Variants in NELL1 observed in about 807,000 individuals in gnomAD.
NELL1 encodes the protein protein kinase C-binding protein NELL1.
In NELL1, 76 loss-of-function variants were observed where a neutral mutation model predicts 107.4. The observed-to-expected ratio is 0.71, with a 90% CI of 0.59 to 0.86. The LOEUF is 0.86. Ranked by LOEUF, NELL1 falls within the 40% of genes least tolerant of loss-of-function variation. NELL1 has a pLI of 0.00. For synonymous variants in NELL1, 353 were observed against 341.2 expected (o/e 1.03, Z -0.38); for missense variants, 1,024 against 1,005.5 (o/e 1.02, Z -0.25).
At chr11:21,519,766 TG>T (rs1488087629) in intron 15 of NELL1, among the ~76,000 whole-genome samples, 1 of 152,124 alleles carries the variant, frequency 6.6e-6, no homozygotes, top group Non-Finnish European at 1.5e-5. Flanking sequence ...AGCCTTCCCC[TG>T]GAAGTTGCAA....
At chr11:21,464,230 G>C (rs565209088) in intron 15 of NELL1, among the ~76,000 whole-genome samples, 206 of 151,872 alleles carry the variant, frequency 1.4e-3, no homozygotes, top group African/African-American at 4.8e-3. Flanking sequence ...TCTTTTTCTG[G>C]AAAGTGTCAA....
intron 17 of NELL1, among the ~76,000 whole-genome samples, chr11:21,570,448 A>T (rs540283598): frequency 1.8e-4 from 27 of 152,058 alleles, no homozygotes; most frequent in Non-Finnish European, 3.4e-4. Flanking sequence ...TATTGATCAT[A>T]TATGCATTTT....
chr11:20,769,985 C>A (rs1483083066), intron 2 of NELL1, among the ~76,000 whole-genome samples: 1 of 152,186 alleles, frequency 6.6e-6, no homozygotes, highest in Non-Finnish European at 1.5e-5. Flanking sequence ...TGAATTATCA[C>A]AAAGTCTTTA....
At chr11:20,958,977 A>G (rs7123110) in intron 11 of NELL1, among the ~76,000 whole-genome samples, 49,635 of 151,836 alleles carry the variant, frequency 0.33, 8,449 homozygotes, top group East Asian at 0.59. Flanking sequence ...TTGTTTCCCA[A>G]TGTGTTTAAA....
chr11:21,173,996 C>A (rs1338902237), intron 13 of NELL1, among the ~76,000 whole-genome samples: 1 of 151,760 alleles, frequency 6.6e-6, no homozygotes, highest in African/African-American at 2.4e-5. Context: ...TCCTTACAAA[C>A]AATTCCAGTA....
intron 14 of NELL1, among the ~76,000 whole-genome samples, chr11:21,252,747 C>T (rs1858672058): frequency 1.3e-5 from 2 of 152,064 alleles, no homozygotes; most frequent in Non-Finnish European, 2.9e-5. Flanking sequence ...TTTAGTAGAG[C>T]TATCCAAAGA....
chr11:20,800,652 G>A (rs1320346239), intron 3 of NELL1, among the ~76,000 whole-genome samples: 4 of 152,120 alleles, frequency 2.6e-5, no homozygotes, highest in Non-Finnish European at 5.9e-5. Flanking sequence ...AGGCTGTCTT[G>A]CCAATAATAG....
At chr11:20,816,051 C>T (rs1283951682) in intron 3 of NELL1, among the ~76,000 whole-genome samples, 4 of 152,090 alleles carry the variant, frequency 2.6e-5, no homozygotes, top group Non-Finnish European at 5.9e-5. Flanking sequence ...GTTTTTATTA[C>T]TATAGTCTTA....
chr11:20,754,364 A>G (rs964514894), intron 2 of NELL1, among the ~76,000 whole-genome samples: 2 of 152,216 alleles, frequency 1.3e-5, no homozygotes, highest in African/African-American at 4.8e-5. Flanking sequence ...AAGAATGTTG[A>G]TTCATGAATT....
chr11:21,196,628 C>T (rs1485947896), intron 13 of NELL1, among the ~76,000 whole-genome samples: 1 of 152,092 alleles, frequency 6.6e-6, no homozygotes, highest in Non-Finnish European at 1.5e-5. Context: ...TCTCCATCCC[C>T]TTTCTCTGCT....
intron 14 of NELL1, among the ~76,000 whole-genome samples, chr11:21,342,654 AAAAAGAAAAAGAAAAAG>A (rs1850598431): frequency 7.2e-6 from 1 of 138,136 alleles, no homozygotes; most frequent in Non-Finnish European, 1.6e-5. Flanking sequence ...AAAAAAAAAA[AAAAAGAAAAAGAAAAAG>A]AAAAGAAAGA....
intron 13 of NELL1, 45 bp from the exon 14 acceptor site, chr11:21,229,287 A>T: frequency 6.2e-7 from 1 of 1,609,436 alleles, no homozygotes; most frequent in Middle Eastern, 1.7e-4. Context: ...CAGTAATTCC[A>T]ACTTAAGAAA....
chr11:21,059,030 G>A (rs1323000990), intron 12 of NELL1, among the ~76,000 whole-genome samples: 1 of 152,084 alleles, frequency 6.6e-6, no homozygotes, highest in Admixed American at 6.6e-5. Context: ...TTCTCTGTTT[G>A]AGTACCATTG....
At position 21,106,742 on chromosome 11, in the gene NELL1, G is replaced by T. The variant is rs190607291; in HGVS notation, c.1301-6847G>T. 1.0e-3 allele frequency among the ~76,000 whole-genome samples: 155 copies of T among 152,218 alleles called. 1 individual carries two copies. The highest frequency in any genetic ancestry group is 3.4e-3 in the African/African-American group (142 of 41,538). ...TTTTACCTGACTTCTGTAGGTATTT[G>T]ATTTATATTCCTAGGTTCTATAGGC... is the stretch of plus-strand genomic sequence containing the variant. On this transcript the variant is annotated intron_variant, in intron 12 of 19. Transcript: ENST00000357134.
intron 2 of NELL1, among the ~76,000 whole-genome samples, chr11:20,758,882 T>C (rs1199517158): frequency 6.6e-6 from 1 of 152,244 alleles, no homozygotes; most frequent in Non-Finnish European, 1.5e-5. Context: ...TAAGAATCTG[T>C]AACATTTTGT....
At chr11:21,319,434 C>A (rs1849957428) in intron 14 of NELL1, among the ~76,000 whole-genome samples, 1 of 150,246 alleles carries the variant, frequency 6.7e-6, no homozygotes, top group African/African-American at 2.4e-5. Flanking sequence ...AAATGATCCA[C>A]CTGCCTTGAC....
At chr11:20,749,930 G>A (rs1856095179) in intron 2 of NELL1, among the ~76,000 whole-genome samples, 1 of 152,046 alleles carries the variant, frequency 6.6e-6, no homozygotes, top group Non-Finnish European at 1.5e-5. Context: ...GTTTTCCATT[G>A]TATGAAAATA....
chr11:20,934,157 A>T (rs774272117), intron 9 of NELL1, among the ~76,000 whole-genome samples: 1 of 152,170 alleles, frequency 6.6e-6, no homozygotes, highest in Non-Finnish European at 1.5e-5. Context: ...ATAAGGGCTG[A>T]TATTAGGCAT....
intron 11 of NELL1, among the ~76,000 whole-genome samples, chr11:20,951,951 G>A (rs1241207116): frequency 2.0e-5 from 3 of 152,152 alleles, no homozygotes; most frequent in Non-Finnish European, 2.9e-5. Context: ...AGTGTGCACT[G>A]GAATAACATC....
Sources: allele counts gnomAD v4.1 joint callset (sites outside exome capture counted in the v4.1 genomes callset), GRCh38; gene constraint gnomAD v4.1.1; transcripts MANE v1.5; gene names NCBI Gene and HGNC (gene_info 2026-07-23, HGNC 2026-07-21).